ROCK1: variants seen among roughly 807,000 people sequenced by gnomAD.
The protein encoded by ROCK1 is rho-associated protein kinase 1.
Under a neutral mutation model 196.8 loss-of-function variants are expected in ROCK1, and 36 were observed. That is an observed-to-expected ratio of 0.18 (90% CI 0.14 to 0.24). The LOEUF (loss-of-function observed/expected upper bound fraction) is 0.24. Ranked by LOEUF, ROCK1 falls within the 10% of genes least tolerant of loss-of-function variation. The pLI is 1.00. For synonymous variants in ROCK1, 443 were observed against 515.9 expected (o/e 0.86, Z 1.91); for missense variants, 920 against 1,562.0 (o/e 0.59, Z 6.93).
At chr18:20,965,082 C>T (rs2035359732) in intron 27 of ROCK1, among the ~76,000 whole-genome samples, 2 of 152,096 alleles carry the variant, frequency 1.3e-5, no homozygotes, top group East Asian at 1.9e-4. Context: ...GTCAGGATTT[C>T]GAACTGACAC....
intron 5 of ROCK1, 146 bp downstream of exon 5, chr18:21,045,146 G>A: frequency 1.6e-6 from 1 of 631,050 alleles, no homozygotes; most frequent in Non-Finnish European, 2.5e-6. Flanking sequence ...CAGGCGTGAG[G>A]CAGCGCCTGG....
chr18:21,005,707 T>G (rs2143435708), intron 16 of ROCK1, among the ~76,000 whole-genome samples: 1 of 152,186 alleles, frequency 6.6e-6, no homozygotes, highest in Non-Finnish European at 1.5e-5. Context: ...TGAAACCCCG[T>G]CTCTACAAAA....
At position 21,094,775 on chromosome 18, in the gene ROCK1, G is replaced by A. The variant is rs547370849; in HGVS notation, c.93+16043C>T. ...AAAAAAAAAAAAGATGGCCAGGCGC[G>A]GTGGCTCACACCTGTAATCCCAGCA... On this transcript the variant is annotated intron_variant, in intron 1 of 32. Coordinates refer to ENST00000399799, the MANE Select transcript of ROCK1 (RefSeq NM_005406.3). 3.3e-5 allele frequency among the ~76,000 whole-genome samples: 5 copies of A among 150,142 alleles called. No individual in the cohort carries two copies. The East Asian group carries it at 6.0e-4, about 18-fold the overall frequency.
intron 29 of ROCK1, among the ~76,000 whole-genome samples, chr18:20,958,174 C>T (rs568772672): frequency 1.3e-5 from 2 of 152,024 alleles, no homozygotes; most frequent in African/African-American, 2.4e-5. Flanking sequence ...TGTATTATTT[C>T]GCTTAAGCTG....
intron 13 of ROCK1, among the ~76,000 whole-genome samples, chr18:21,012,984 A>G (rs1266981197): frequency 6.6e-6 from 1 of 152,126 alleles, no homozygotes; most frequent in Non-Finnish European, 1.5e-5. Flanking sequence ...TATATTGTCT[A>G]TGTCTTTCTG....
chr18:20,976,371 T>C (rs894278665), intron 22 of ROCK1, among the ~76,000 whole-genome samples: 3 of 152,148 alleles, frequency 2.0e-5, no homozygotes, highest in African/African-American at 7.2e-5. Context: ...TCTGGAGGGA[T>C]CCAGACACAC....
At chr18:21,110,543 G>A (rs762014370) in intron 1 of ROCK1, among the ~76,000 whole-genome samples, 4 of 152,142 alleles carry the variant, frequency 2.6e-5, no homozygotes, top group Non-Finnish European at 4.4e-5. Flanking sequence ...CTTTTTATAG[G>A]ATGCCTGCAA....
chr18:21,090,038 C>A (rs1299147236), intron 1 of ROCK1, among the ~76,000 whole-genome samples: 1 of 152,178 alleles, frequency 6.6e-6, no homozygotes, highest in Non-Finnish European at 1.5e-5. Flanking sequence ...TCAATGGTTT[C>A]TGAACTTTTT....
At chr18:21,018,516 G>A (rs2035884475) in intron 12 of ROCK1, among the ~76,000 whole-genome samples, 1 of 147,330 alleles carries the variant, frequency 6.8e-6, no homozygotes, top group African/African-American at 2.5e-5. Flanking sequence ...GGGGACAAGA[G>A]TGAGATTTCG....
chr18:20,991,878 T>C (rs1308928064), intron 17 of ROCK1, among the ~76,000 whole-genome samples: 1 of 152,024 alleles, frequency 6.6e-6, no homozygotes, highest in Non-Finnish European at 1.5e-5. Context: ...GCTCAAGCAA[T>C]CCTCCTGTGT....
intron 4 of ROCK1, among the ~76,000 whole-genome samples, chr18:21,048,084 A>AT (rs1409004294): frequency 1.3e-5 from 2 of 152,300 alleles, no homozygotes; most frequent in East Asian, 3.9e-4. Flanking sequence ...TGACCCCATG[A>AT]TTTTGCCTAA....
intron 1 of ROCK1, among the ~76,000 whole-genome samples, chr18:21,106,626 T>C (rs2036705523): frequency 6.6e-6 from 1 of 152,134 alleles, no homozygotes; most frequent in African/African-American, 2.4e-5. Context: ...AAAAGAGAAA[T>C]AGCTCCCGAT....
intron 18 of ROCK1, among the ~76,000 whole-genome samples, chr18:20,989,995 C>G (rs772058982): frequency 3.3e-5 from 5 of 152,086 alleles, no homozygotes; most frequent in Non-Finnish European, 5.9e-5. Flanking sequence ...GTAATCCCAG[C>G]ACTTTGGGAG....
Position 21,042,084 on chromosome 18 carries a change from T to C in ROCK1, c.959+13A>G. On this transcript the variant is annotated intron_variant, in intron 8 of 32. Transcript: ENST00000399799. ...CTCAGAATTAATACAGGCTCAGTTT[T>C]AAAATTATTTACCTGTCAGTAAGGA... is the stretch of plus-strand genomic sequence containing the variant. 6.3e-7 allele frequency: 1 copy of C among 1,596,964 alleles called. No homozygotes were observed. The highest frequency in any genetic ancestry group is 8.5e-7 in the Non-Finnish European group (1 of 1,175,110).
intron 10 of ROCK1, among the ~76,000 whole-genome samples, chr18:21,024,079 A>G (rs1435074667): frequency 5.3e-5 from 8 of 152,206 alleles, no homozygotes; most frequent in African/African-American, 1.7e-4. Flanking sequence ...CTTTTTGTAT[A>G]TAAGAATTGG....
At chr18:21,046,532 G>C (rs556426518) in intron 4 of ROCK1, among the ~76,000 whole-genome samples, 3 of 152,208 alleles carry the variant, frequency 2.0e-5, no homozygotes, top group Non-Finnish European at 2.9e-5. Context: ...TCAGGAGGAG[G>C]AGCAGTAATA....
Position 21,023,686 on chromosome 18 carries a change from G to A in ROCK1, c.1212-6C>T. ...GATTTGCTGAAGATAAGTATCTGAG[G>A]GAAAGAAAAGTTTAAAAAGAAAAGA... is the stretch of plus-strand genomic sequence containing the variant. On this transcript the variant is annotated splice_polypyrimidine_tract_variant and splice_region_variant and intron_variant, in intron 10 of 32. Transcript: ENST00000399799. The A allele has an allele frequency of 6.5e-7, 1 of 1,531,448 alleles. No homozygotes were observed. Among genetic ancestry groups the A allele is most frequent in the Non-Finnish European group, 8.9e-7 (1 of 1,129,316 alleles). The allele number at this position is 1,531,448 out of a possible 1,614,324, so 94.9% of individuals were successfully genotyped here.
intron 12 of ROCK1, among the ~76,000 whole-genome samples, chr18:21,018,073 A>G (rs1349044456): frequency 6.6e-6 from 1 of 152,114 alleles, no homozygotes; most frequent in Non-Finnish European, 1.5e-5. Flanking sequence ...AAAACTATTT[A>G]CCAATTCAAT....
intron 2 of ROCK1, among the ~76,000 whole-genome samples, chr18:21,063,779 T>C (rs1420990996): frequency 2.0e-5 from 3 of 152,188 alleles, no homozygotes; most frequent in Non-Finnish European, 4.4e-5. Context: ...GCTTAAACAA[T>C]AGTTGTGTTG....
Sources: gnomAD v4.1 joint callset for allele counts (sites outside exome capture counted in the v4.1 genomes callset) on GRCh38, gnomAD v4.1.1 for gene constraint, MANE v1.5 for transcripts, NCBI Gene and HGNC (gene_info 2026-07-23, HGNC 2026-07-21) for gene names.